Variants in DUSP29 observed in about 807,000 individuals in gnomAD.
DUSP29 encodes the protein dual specificity phosphatase 29.
Under a neutral mutation model 13.5 loss-of-function variants are expected in DUSP29, and 12 were observed. The observed-to-expected ratio is 0.89, with a 90% CI of 0.57 to 1.44. DUSP29 has a LOEUF of 1.44. DUSP29 is among the 40% of genes most tolerant of loss of function. The probability of loss-of-function intolerance (pLI) is 0.00; values close to 1 mark genes in which losing one functional copy is unlikely to be tolerated. For synonymous variants in DUSP29, 134 were observed against 128.7 expected, an observed-to-expected ratio of 1.04 and a Z score of -0.28; for missense variants, 308 against 301.1, an observed-to-expected ratio of 1.02 and a Z score of -0.17.
chr10:75,064,264 C>T (rs935799350), intron 1 of DUSP29, among the ~76,000 whole-genome samples: 4 of 152,106 alleles, frequency 2.6e-5, no homozygotes, highest in Non-Finnish European at 5.9e-5. Context: ...AATCCCAGCA[C>T]TTTGGGAGGC....
At chr10:75,047,085 T>A (rs542857075) in intron 2 of DUSP29, among the ~76,000 whole-genome samples, 3 of 151,952 alleles carry the variant, frequency 2.0e-5, no homozygotes, top group Non-Finnish European at 4.4e-5. Context: ...CAGGCTGACG[T>A]TGGTTGTGCC....
At chr10:75,038,841 G>A (rs1428631496) in intron 3 of DUSP29, among the ~76,000 whole-genome samples, 6 of 152,144 alleles carry the variant, frequency 3.9e-5, no homozygotes, top group South Asian at 2.1e-4. Flanking sequence ...GCATGAGGCC[G>A]GGCGCGGTGG....
At chr10:75,070,662 G>T (rs1458022292) in intron 1 of DUSP29, among the ~76,000 whole-genome samples, 1 of 152,168 alleles carries the variant, frequency 6.6e-6, no homozygotes, top group Non-Finnish European at 1.5e-5. Flanking sequence ...GAGCAGTTTG[G>T]CCGGGGCGGA....
At chr10:75,073,290 A>G (rs1250590013) in intron 1 of DUSP29, among the ~76,000 whole-genome samples, 1 of 152,154 alleles carries the variant, frequency 6.6e-6, no homozygotes, top group African/African-American at 2.4e-5. Context: ...AATACATCCA[A>G]TGCTTCACAA....
At chr10:75,046,637 G>A (rs1259949448) in intron 2 of DUSP29, among the ~76,000 whole-genome samples, 1 of 152,270 alleles carries the variant, frequency 6.6e-6, no homozygotes, top group Non-Finnish European at 1.5e-5. Flanking sequence ...GCATGGGGAG[G>A]TGGGGAGTCC....
chr10:75,057,196 C>A (rs937070919), intron 2 of DUSP29, among the ~76,000 whole-genome samples: 13 of 152,180 alleles, frequency 8.5e-5, no homozygotes, highest in African/African-American at 3.1e-4. Flanking sequence ...ATTGCTTGAA[C>A]CCAGGAGGCA....
At chr10:75,055,071 G>A (rs1846929287) in intron 2 of DUSP29, among the ~76,000 whole-genome samples, 1 of 152,048 alleles carries the variant, frequency 6.6e-6, no homozygotes, top group African/African-American at 2.4e-5. Flanking sequence ...CAAACTCCTG[G>A]GCTCAAGCAA....
At chr10:75,052,649 G>C (rs928642437) in intron 2 of DUSP29, among the ~76,000 whole-genome samples, 11 of 151,852 alleles carry the variant, frequency 7.2e-5, no homozygotes, top group Non-Finnish European at 1.0e-4. Context: ...GCGGGGTTTT[G>C]CCATGTTGGC....
intron 1 of DUSP29, among the ~76,000 whole-genome samples, chr10:75,072,067 T>C (rs1278764188): frequency 1.3e-5 from 2 of 152,178 alleles, no homozygotes. Context: ...GGCTCCCCCA[T>C]CTGCTGAGAG....
intron 2 of DUSP29, among the ~76,000 whole-genome samples, chr10:75,051,768 G>C (rs1846835287): frequency 6.6e-6 from 1 of 152,220 alleles, no homozygotes; most frequent in Admixed American, 6.5e-5. Context: ...AACCAGCTTG[G>C]AGCTTTTGGC....
At position 75,044,016 on chromosome 10, in the gene DUSP29, C is replaced by T. The variant is rs752021701; in HGVS notation, c.202G>A (p.Ala68Thr). The T allele has an allele frequency of 6.8e-6, 11 of 1,608,050 alleles. No homozygotes were observed. Among genetic ancestry groups the T allele is most frequent in the Non-Finnish European group, 9.3e-6 (11 of 1,178,094 alleles). ...AGCCTATAGCGGTCCAGCGCCGTCG[C>T]CCTGGGCGCAGGGGAGAGAAATCTG... is the stretch of plus-strand genomic sequence containing the variant. ...VWPKLYIGDE[A>T]TALDRYRLQK... The change falls in exon 3 of 4, where the codon GCG (alanine) becomes ACG (threonine). Residue 68 changes from alanine (A) to threonine (T), a missense_variant and splice_region_variant. By Grantham distance (58) the Ala-to-Thr change is moderately conservative (BLOSUM62 0). Transcript: ENST00000338487.
intron 2 of DUSP29, among the ~76,000 whole-genome samples, chr10:75,058,018 C>T (rs547856580): frequency 5.3e-5 from 8 of 152,312 alleles, no homozygotes; most frequent in East Asian, 1.9e-4. Context: ...GAAGAAGCCA[C>T]GTCCCCAGGA....
At chr10:75,045,214 A>G (rs1430214755) in intron 2 of DUSP29, among the ~76,000 whole-genome samples, 1 of 152,140 alleles carries the variant, frequency 6.6e-6, no homozygotes, top group East Asian at 1.9e-4. Flanking sequence ...AAAAGAAAAA[A>G]CAAAAAACAG....
chr10:75,044,379 T>C (rs528129272), intron 2 of DUSP29, among the ~76,000 whole-genome samples: 1 of 152,250 alleles, frequency 6.6e-6, no homozygotes, highest in Admixed American at 6.5e-5. Flanking sequence ...AATAACCTGT[T>C]CATCAGGGCT....
rs976297303 is a variant in DUSP29, at chr10:75,038,715, G to A, written c.422-638C>T. ...AGAAAGAGTTGGAAGGGAGATGGAG[G>A]GGGTGGGAGGAGAGGGGGAGGTGGA... is the stretch of plus-strand genomic sequence containing the variant. On this transcript the variant is annotated intron_variant, in intron 3 of 3. Transcript: ENST00000338487. Among the ~76,000 whole-genome samples, 3 of 151,880 alleles carry A rather than the reference G, an allele frequency of 2.0e-5. No homozygotes were observed. The South Asian group carries it at 6.3e-4, about 32-fold the overall frequency.
intron 2 of DUSP29, 97 bp downstream of exon 2, chr10:75,058,218 T>A: frequency 7.0e-7 from 1 of 1,429,800 alleles, no homozygotes; most frequent in Non-Finnish European, 9.4e-7. Context: ...ACAGAACGAC[T>A]ACAAATTCCA....
intron 2 of DUSP29, among the ~76,000 whole-genome samples, chr10:75,047,920 C>T (rs1846739572): frequency 6.6e-6 from 1 of 152,106 alleles, no homozygotes; most frequent in East Asian, 1.9e-4. Context: ...TTTTTTGGTA[C>T]AATACTATAT....
At chr10:75,067,624 C>T (rs921463947) in intron 1 of DUSP29, among the ~76,000 whole-genome samples, 3 of 152,104 alleles carry the variant, frequency 2.0e-5, no homozygotes, top group Non-Finnish European at 4.4e-5. Context: ...TGGGCTGGGC[C>T]AGGCCAGCAT....
intron 2 of DUSP29, among the ~76,000 whole-genome samples, chr10:75,050,056 C>T (rs576603841): frequency 9.8e-5 from 15 of 152,292 alleles, no homozygotes; most frequent in African/African-American, 2.4e-4. Flanking sequence ...ACTGGCTCTC[C>T]GACACCCGCA....
Sources: allele counts gnomAD v4.1 joint callset (sites outside exome capture counted in the v4.1 genomes callset), GRCh38; gene constraint gnomAD v4.1.1; transcripts MANE v1.5; gene names NCBI Gene and HGNC (gene_info 2026-07-23, HGNC 2026-07-21).